ZFP14: variants seen among roughly 807,000 people sequenced by gnomAD.
ZFP14 encodes zinc finger protein 14 homolog.
ZFP14 carries 22 observed loss-of-function variants against 54.5 expected under a neutral mutation model. The observed-to-expected ratio is 0.40, with a 90% CI of 0.29 to 0.58. The LOEUF (loss-of-function observed/expected upper bound fraction) is 0.58, where lower values mean the gene tolerates loss of function less well. Ranked by LOEUF, ZFP14 falls within the 20% of genes least tolerant of loss-of-function variation. The pLI is 0.39. For synonymous variants in ZFP14, 159 were observed against 204.0 expected (o/e 0.78, Z 1.88); for missense variants, 470 against 637.8 (o/e 0.74, Z 2.83).
In ZFP14 at chr19:36,336,873, A is replaced by C. The variant is rs1021835943; in HGVS notation, c.*3351T>G. On this transcript the variant is annotated 3_prime_UTR_variant, in exon 5 of 5. Coordinates refer to ENST00000270001, the MANE Select transcript of ZFP14 (RefSeq NM_020917.3). The stretch of plus-strand genomic sequence containing the variant: ...AAACACATACAAAAGTAGAAATATT[A>C]GAACAATAAGTCTCCATGAACAAAA... 6.6e-6 allele frequency: 1 copy of C among 152,262 alleles called. No individual in the cohort carries two copies. The highest frequency in any genetic ancestry group is 1.5e-5 in the Non-Finnish European group (1 of 68,052). 9.4% of individuals were successfully genotyped at this position (152,262 alleles called of 1,614,324 possible).
In ZFP14 at chr19:36,377,545, C is replaced by CT. The variant is rs1304568843; in HGVS notation, c.-80+1617dup. Among the ~76,000 whole-genome samples the CT allele has an allele frequency of 7.3e-4, 53 of 72,242 alleles. No homozygotes were observed. In the East Asian group the frequency reaches 0.015, roughly 20 times the overall value. 47.4% of individuals were successfully genotyped at this position (72,242 alleles called of 152,430 possible). A position where few individuals can be genotyped will look rare whatever the true frequency, so the allele number is the denominator to read the frequency against. On this transcript the variant is annotated intron_variant, in intron 1 of 4. Coordinates refer to ENST00000270001, the MANE Select transcript of ZFP14 (RefSeq NM_020917.3). ...TGAGGGACAGAGTGAGACCCTGTCT[C>CT]TAAAAAAAAAAAAAAAACTTAAGTA... is the stretch of plus-strand genomic sequence containing the variant.
intron 4 of ZFP14, 55 bp downstream of exon 4, chr19:36,360,380 G>A: frequency 1.3e-6 from 2 of 1,532,400 alleles, no homozygotes; most frequent in Non-Finnish European, 1.8e-6. Flanking sequence ...ACCCTAATCA[G>A]TTTAGCTATT....
intron 2 of ZFP14, 129 bp from the exon 3 acceptor site, chr19:36,362,367 T>C: frequency 1.0e-6 from 1 of 959,596 alleles, no homozygotes; most frequent in Non-Finnish European, 1.5e-6. Context: ...GGCTGAAAAC[T>C]TGTGACATGA....
intron 1 of ZFP14, among the ~76,000 whole-genome samples, chr19:36,375,114 C>T (rs2031940111): frequency 6.6e-6 from 1 of 152,192 alleles, no homozygotes; most frequent in African/African-American, 2.4e-5. Flanking sequence ...TCCTGATAAA[C>T]AGGTTTATTT....
rs1054625317 is a variant in ZFP14 at position 36,341,752 on chromosome 19, A to G, written c.236-162T>C. Among the ~76,000 whole-genome samples, 1 of 152,204 alleles carries G rather than the reference A, an allele frequency of 6.6e-6. No homozygotes were observed. Among genetic ancestry groups the G allele is most frequent in the Non-Finnish European group, 1.5e-5 (1 of 68,038 alleles). The stretch of plus-strand genomic sequence containing the variant: ...CTCAAACATAGACATTTCTGCCACA[A>G]TCTTATATATGTGTACCTAAAAAAC... On this transcript the variant is annotated intron_variant, in intron 4 of 4. Transcript: ENST00000270001. The surrounding 1 kb of genome is among the most constrained non-coding windows in gnomAD (Gnocchi z 4.2).
intron 2 of ZFP14, among the ~76,000 whole-genome samples, chr19:36,363,807 T>A (rs1013565126): frequency 4.6e-5 from 7 of 151,878 alleles, no homozygotes; most frequent in African/African-American, 1.7e-4. Flanking sequence ...CTTGTCAACA[T>A]GGTGAAACCC....
chr19:36,371,340 T>A (rs1003073408), intron 1 of ZFP14, among the ~76,000 whole-genome samples: 1 of 151,994 alleles, frequency 6.6e-6, no homozygotes, highest in Non-Finnish European at 1.5e-5. Flanking sequence ...CTTTAAAAAG[T>A]GAGAAAAACA....
chr19:36,364,493 T>C (rs1271422456), intron 2 of ZFP14, among the ~76,000 whole-genome samples: 1 of 152,106 alleles, frequency 6.6e-6, no homozygotes, highest in African/African-American at 2.4e-5. Context: ...GTCTAGCTCA[T>C]AGGAGAACTA....
At chr19:36,373,911 CAA>C (rs74174406) in intron 1 of ZFP14, among the ~76,000 whole-genome samples, 7 of 93,336 alleles carry the variant, frequency 7.5e-5, no homozygotes, top group Non-Finnish European at 1.2e-4. Flanking sequence ...GACCCCATCT[CAA>C]AAAAAAAAAA....
At position 36,340,722 on chromosome 19, in the gene ZFP14, G is replaced by A. The variant is rs373801795; in HGVS notation, c.1104C>T (p.Tyr368=). Residue 368 remains tyrosine, a synonymous_variant, in exon 5 of 5, where the codon TAC becomes TAT. Coordinates refer to ENST00000270001, the MANE Select transcript of ZFP14 (RefSeq NM_020917.3). This position sits in a 1 kb window ranked among gnomAD's most constrained non-coding sequence, Gnocchi z 5.4. ...AAGTCTTCCCACATTCCTTACATTCGTAGGGTTTCTCACCAGTATGAATAC... is the reference window on the plus strand; with the variant it reads ...AAGTCTTCCCACATTCCTTACATTCATAGGGTTTCTCACCAGTATGAATAC... ...HQSIHTGEKP[Y]ECKECGKTFR... 4.9e-5 allele frequency: 79 copies of A among 1,612,278 alleles called. No individual in the cohort carries two copies. The highest frequency in any genetic ancestry group is 5.9e-5 in the Non-Finnish European group (70 of 1,179,624).
At chr19:36,362,383 G>A in intron 2 of ZFP14, 145 bp from the exon 3 acceptor site, 3 of 753,994 alleles carry the variant, frequency 4.0e-6, no homozygotes, top group South Asian at 4.6e-5. Flanking sequence ...CATGAGTAGG[G>A]GCCAGTAAGA....
intron 4 of ZFP14, among the ~76,000 whole-genome samples, chr19:36,353,937 T>C (rs2031570901): frequency 7.4e-6 from 1 of 136,046 alleles, no homozygotes; most frequent in Non-Finnish European, 1.6e-5. Flanking sequence ...TTTCCAGCGG[T>C]GGTGGCATGC....
chr19:36,358,031 C>T (rs1388770540), intron 4 of ZFP14, among the ~76,000 whole-genome samples: 1 of 151,538 alleles, frequency 6.6e-6, no homozygotes, highest in Non-Finnish European at 1.5e-5. Context: ...GCATGAGCCA[C>T]CATGCCCGGC....
rs184923164 is a variant in ZFP14, at chr19:36,350,261, A to G, written c.236-8671T>C. ...AACAAACACTATCTGAAGATATAGT[A>G]ACCAGAATTTTCCCAAACTGACAAA... On this transcript the variant is annotated intron_variant, in intron 4 of 4. Coordinates refer to ENST00000270001, the MANE Select transcript of ZFP14 (RefSeq NM_020917.3). Among the ~76,000 whole-genome samples the G allele has an allele frequency of 4.2e-5, 6 of 143,380 alleles. 1 individual carries two copies. The East Asian group carries it at 1.2e-3, about 30-fold the overall frequency. The allele number at this position is 143,380 out of a possible 152,430, so 94.1% of individuals were successfully genotyped here. A position where few individuals can be genotyped will look rare whatever the true frequency, so the allele number is the denominator to read the frequency against.
At chr19:36,363,569 TG>T (rs1418707632) in intron 2 of ZFP14, among the ~76,000 whole-genome samples, 2 of 152,182 alleles carry the variant, frequency 1.3e-5, no homozygotes, top group East Asian at 3.9e-4. Context: ...GAGACAATTT[TG>T]GTTGTCACAA....
Position 36,341,696 on chromosome 19 carries a change from G to A in ZFP14, c.236-106C>T. 2 of 1,072,262 alleles carry A rather than the reference G, an allele frequency of 1.9e-6. No homozygotes were observed. The highest frequency in any genetic ancestry group is 2.6e-6 in the Non-Finnish European group (2 of 777,244). The allele number at this position is 1,072,262 out of a possible 1,614,324, so 66.4% of individuals were successfully genotyped here. Reference sequence around the variant, plus strand: ...ATAGAGAAAAGGCACCTAAAATAATGCCTGTTACAAATTGAATGGATTAGA... The same window carrying A: ...ATAGAGAAAAGGCACCTAAAATAATACCTGTTACAAATTGAATGGATTAGA... On this transcript the variant is annotated intron_variant, in intron 4 of 4. Coordinates refer to ENST00000270001, the MANE Select transcript of ZFP14 (RefSeq NM_020917.3). This position sits in a 1 kb window ranked among gnomAD's most constrained non-coding sequence, Gnocchi z 4.2.
In ZFP14 at chr19:36,340,146, T is replaced by G. The variant is rs1295904014; in HGVS notation, c.*78A>C. 2 of 1,376,552 alleles carry G rather than the reference T, an allele frequency of 1.5e-6. No individual in the cohort carries two copies. Among genetic ancestry groups the G allele is most frequent in the Non-Finnish European group, 1.9e-6 (2 of 1,034,754 alleles). The allele number at this position is 1,376,552 out of a possible 1,614,324, so 85.3% of individuals were successfully genotyped here. A position where few individuals can be genotyped will look rare whatever the true frequency, so the allele number is the denominator to read the frequency against. The stretch of plus-strand genomic sequence containing the variant: ...ATATAAAATTTATTATGCTTGGAAT[T>G]GAGCATGAAACACATTTTCTCAAAA... On this transcript the variant is annotated 3_prime_UTR_variant, in exon 5 of 5. Coordinates refer to ENST00000270001, the MANE Select transcript of ZFP14 (RefSeq NM_020917.3). This position sits in a 1 kb window ranked among gnomAD's most constrained non-coding sequence, Gnocchi z 5.4.
chr19:36,347,844 T>C (rs2031446628), intron 4 of ZFP14, among the ~76,000 whole-genome samples: 1 of 152,094 alleles, frequency 6.6e-6, no homozygotes. Flanking sequence ...GCAGATCACC[T>C]GAGGTCGGGA....
At chr19:36,373,233 C>G (rs1040234177) in intron 1 of ZFP14, among the ~76,000 whole-genome samples, 1 of 150,924 alleles carries the variant, frequency 6.6e-6, no homozygotes, top group Non-Finnish European at 1.5e-5. Flanking sequence ...GCCGAGATGG[C>G]GTCATTGCAC....
Sources: allele counts gnomAD v4.1 joint callset (sites outside exome capture counted in the v4.1 genomes callset), GRCh38; gene constraint gnomAD v4.1.1; non-coding constraint Gnocchi (gnomAD v3.1); transcripts MANE v1.5; gene names NCBI Gene and HGNC (gene_info 2026-07-23, HGNC 2026-07-21).